Variants in ZFAND3 observed in about 807,000 individuals in gnomAD.
ZFAND3 encodes zinc finger AN1-type containing 3.
ZFAND3 carries 10 observed loss-of-function variants against 29.6 expected under a neutral mutation model. The ratio of observed to expected loss-of-function variants is 0.34; its 90% CI spans 0.21 to 0.57. The LOEUF (loss-of-function observed/expected upper bound fraction) is 0.57, where lower values mean the gene tolerates loss of function less well. ZFAND3 is among the 20% of genes least tolerant of loss of function. The pLI is 0.86. For missense variants in ZFAND3, 230 were observed against 304.5 expected, an observed-to-expected ratio of 0.76 and a Z score of 1.82; for synonymous variants, 128 against 112.6, an observed-to-expected ratio of 1.14 and a Z score of -0.87.
chr6:38,115,264 A>G (rs1399622279), intron 4 of ZFAND3, among the ~76,000 whole-genome samples: 8 of 152,200 alleles, frequency 5.3e-5, no homozygotes, highest in Admixed American at 1.3e-4. Flanking sequence ...TAGAAGGTAC[A>G]AAGTACCACA....
chr6:38,039,166 A>G (rs1338816578), intron 2 of ZFAND3, among the ~76,000 whole-genome samples: 1 of 152,122 alleles, frequency 6.6e-6, no homozygotes, highest in Admixed American at 6.5e-5. Context: ...TTTAAAAGGT[A>G]TTGGGTCTTA....
intron 2 of ZFAND3, among the ~76,000 whole-genome samples, chr6:38,054,271 A>AT (rs1161762214): frequency 6.0e-5 from 9 of 150,894 alleles, no homozygotes. Flanking sequence ...GTGTGCACCT[A>AT]TAGTCCCAGC....
At chr6:37,956,253 C>T (rs2127422700) in intron 2 of ZFAND3, among the ~76,000 whole-genome samples, 1 of 152,282 alleles carries the variant, frequency 6.6e-6, no homozygotes, top group South Asian at 2.1e-4. Flanking sequence ...TGTTAAAACT[C>T]ACATTGCTGG....
chr6:38,104,157 T>C lies in ZFAND3; in HGVS notation c.362-12415T>C, dbSNP rs114036131. Among the ~76,000 whole-genome samples, 873 of 152,304 alleles carry C rather than the reference T, an allele frequency of 5.7e-3. 8 individuals are homozygous for C. The highest frequency in any genetic ancestry group is 0.02 in the African/African-American group (837 of 41,560). ...CTGACCAGACACCTCTTTGAGGAATTTAGCTCCTGGCAATGCCCTTTCAGT... is the reference window on the plus strand; with the variant it reads ...CTGACCAGACACCTCTTTGAGGAATCTAGCTCCTGGCAATGCCCTTTCAGT... On this transcript the variant is annotated intron_variant, in intron 4 of 5. Transcript: ENST00000287218.
At chr6:37,860,534 A>G (rs1764466912) in intron 1 of ZFAND3, among the ~76,000 whole-genome samples, 1 of 151,980 alleles carries the variant, frequency 6.6e-6, no homozygotes, top group African/African-American at 2.4e-5. Flanking sequence ...AAGTGGCTAA[A>G]GTTATAGGGG....
At chr6:37,872,254 C>T (rs990886310) in intron 1 of ZFAND3, among the ~76,000 whole-genome samples, 7 of 152,342 alleles carry the variant, frequency 4.6e-5, no homozygotes, top group East Asian at 1.9e-4. Flanking sequence ...TCCCATTTTC[C>T]GGTGCAGACT....
rs150743352 is a variant in ZFAND3 at position 37,838,530 on chromosome 6, T to C, written c.71+18514T>C. On this transcript the variant is annotated intron_variant, in intron 1 of 5. Coordinates refer to ENST00000287218, the MANE Select transcript of ZFAND3 (RefSeq NM_021943.3). ...TGCTAAACATGAATCTACTTTCTGG[T>C]TCTATGGATTTGCCAGTTCTGGACA... is the stretch of plus-strand genomic sequence containing the variant. 7.7e-4 allele frequency among the ~76,000 whole-genome samples: 118 copies of C among 152,346 alleles called. 1 individual carries two copies. The East Asian group carries it at 0.017, about 22-fold the overall frequency.
At chr6:37,950,423 C>A (rs1276181818) in intron 2 of ZFAND3, among the ~76,000 whole-genome samples, 1 of 151,020 alleles carries the variant, frequency 6.6e-6, no homozygotes, top group Non-Finnish European at 1.5e-5. Flanking sequence ...TGTCGCCCAG[C>A]CTGGAGTGCA....
chr6:37,908,047 G>A (rs902164860), intron 1 of ZFAND3, among the ~76,000 whole-genome samples: 3 of 152,004 alleles, frequency 2.0e-5, no homozygotes, highest in African/African-American at 7.3e-5. Context: ...CCACCCCGCC[G>A]TTTCTAATGT....
At chr6:37,870,628 AC>A (rs1283572023) in intron 1 of ZFAND3, among the ~76,000 whole-genome samples, 2 of 150,426 alleles carry the variant, frequency 1.3e-5, no homozygotes, top group African/African-American at 2.4e-5. Flanking sequence ...AGAGCACTTA[AC>A]ATGACCTTCC....
intron 5 of ZFAND3, among the ~76,000 whole-genome samples, chr6:38,124,763 C>T (rs557607488): frequency 5.9e-4 from 90 of 152,318 alleles, no homozygotes; most frequent in Admixed American, 2.4e-3. Context: ...GAGAGGGGCC[C>T]CCACAGCGCA....
At chr6:38,049,954 T>TATTTTTTTTTTTTA (rs1466452488) in intron 2 of ZFAND3, among the ~76,000 whole-genome samples, 1 of 10,790 alleles carries the variant, frequency 9.3e-5, no homozygotes, top group East Asian at 5.6e-4. Context: ...AATTTTTTTT[T>TATTTTTTTTTTTTA]TTTTTTTTTT....
At position 37,834,010 on chromosome 6, in the gene ZFAND3, C is replaced by T. The variant is rs1429715859; in HGVS notation, c.71+13994C>T. 4.6e-5 allele frequency among the ~76,000 whole-genome samples: 7 copies of T among 152,014 alleles called. No individual in the cohort carries two copies. In the East Asian group the frequency reaches 1.3e-3, roughly 29 times the overall value. On this transcript the variant is annotated intron_variant, in intron 1 of 5. Coordinates refer to ENST00000287218, the MANE Select transcript of ZFAND3 (RefSeq NM_021943.3). The stretch of plus-strand genomic sequence containing the variant: ...TATAGAATTGATGAACCTACAGTGA[C>T]ACATCATTATCACTCAAAGCCCATA...
chr6:38,019,014 G>A (rs1327935504), intron 2 of ZFAND3, among the ~76,000 whole-genome samples: 1 of 152,024 alleles, frequency 6.6e-6, no homozygotes, highest in East Asian at 1.9e-4. Context: ...TCAGGCTGAA[G>A]TGCAGTGGCG....
intron 1 of ZFAND3, among the ~76,000 whole-genome samples, chr6:37,915,918 T>C (rs1238690439): frequency 2.6e-5 from 4 of 152,118 alleles, no homozygotes; most frequent in Non-Finnish European, 5.9e-5. Flanking sequence ...TTCAGGCATG[T>C]GCCACCACGC....
At chr6:38,142,721 G>GT (rs561858240) in intron 5 of ZFAND3, among the ~76,000 whole-genome samples, 59 of 152,286 alleles carry the variant, frequency 3.9e-4, no homozygotes, top group Non-Finnish European at 8.1e-4. Context: ...CCCGCCAGCA[G>GT]TGCAGGTGCC....
intron 1 of ZFAND3, among the ~76,000 whole-genome samples, chr6:37,870,907 G>A (rs1348688108): frequency 6.6e-6 from 1 of 152,120 alleles, no homozygotes; most frequent in Middle Eastern, 3.2e-3. Flanking sequence ...TGTTTTAGCA[G>A]TTTTGTCTTT....
chr6:37,886,237 C>CAAAAAAAAAAAAAAAAAAAAA (rs55661554), intron 1 of ZFAND3, among the ~76,000 whole-genome samples: 2 of 95,278 alleles, frequency 2.1e-5, no homozygotes, highest in African/African-American at 3.6e-5. Flanking sequence ...GACTCTGTCT[C>CAAAAAAAAAAAAAAAAAAAAA]AAAAAAAAAA....
intron 2 of ZFAND3, among the ~76,000 whole-genome samples, chr6:38,011,084 A>G (rs11752623): frequency 0.067 from 10,139 of 151,856 alleles, 407 homozygotes; most frequent in Non-Finnish European, 0.087. Context: ...GGATGTATAC[A>G]GTTGTGTCTG....
Sources: gnomAD v4.1 joint callset for allele counts (sites outside exome capture counted in the v4.1 genomes callset) on GRCh38, gnomAD v4.1.1 for gene constraint, MANE v1.5 for transcripts, NCBI Gene and HGNC (gene_info 2026-07-23, HGNC 2026-07-21) for gene names.